ABHD6: variants seen among roughly 807,000 people sequenced by gnomAD.
ABHD6 encodes the protein monoacylglycerol lipase ABHD6.
Under a neutral mutation model 38.8 loss-of-function variants are expected in ABHD6, and 33 were observed. That is an observed-to-expected ratio of 0.85 (90% CI 0.64 to 1.14). The LOEUF (loss-of-function observed/expected upper bound fraction) is 1.14. Ranked by LOEUF, ABHD6 falls within the 50% of genes most tolerant of loss-of-function variation. The pLI is 0.00. For missense variants in ABHD6, 380 were observed against 422.6 expected (o/e 0.90, Z 0.88); for synonymous variants, 147 against 161.6 (o/e 0.91, Z 0.69).
chr3:58,244,667 G>A (rs996789556), intron 1 of ABHD6, among the ~76,000 whole-genome samples: 2 of 152,002 alleles, frequency 1.3e-5, no homozygotes, highest in Non-Finnish European at 1.5e-5. Context: ...AGGAGGCTGA[G>A]GTGGAAGGAT....
In ABHD6 at chr3:58,285,032, C is replaced by T. The variant is rs1018015313; in HGVS notation, c.682-53C>T. 5.9e-6 allele frequency: 9 copies of T among 1,533,954 alleles called. No homozygotes were observed. The highest frequency in any genetic ancestry group is 8.1e-6 in the Non-Finnish European group (9 of 1,106,894). On this transcript the variant is annotated intron_variant, in intron 7 of 9. Coordinates refer to ENST00000478253, the MANE Select transcript of ABHD6 (RefSeq NM_001320126.2). This position sits in a 1 kb window ranked among gnomAD's most constrained non-coding sequence, Gnocchi z 4.9. ...TTCATTGTCCCAGAGCTGTGAGAGGCCTGAGGAAATGAATCTTCTCTTGCT... is the reference window on the plus strand; with the variant it reads ...TTCATTGTCCCAGAGCTGTGAGAGGTCTGAGGAAATGAATCTTCTCTTGCT...
At position 58,292,791 on chromosome 3, in the gene ABHD6, C is replaced by T. The variant is rs3773011; in HGVS notation, c.838-798C>T. ...AATTAGCTGGGCATGGTGGCGGGCACCTATAATCCCAGCTACTGGGGAGGC... is the reference window on the plus strand; with the variant it reads ...AATTAGCTGGGCATGGTGGCGGGCATCTATAATCCCAGCTACTGGGGAGGC... On this transcript the variant is annotated intron_variant, in intron 9 of 9. Transcript: ENST00000478253. Among the ~76,000 whole-genome samples, 197 of 152,230 alleles carry T rather than the reference C, an allele frequency of 1.3e-3. 2 individuals are homozygous for T. Among genetic ancestry groups the T allele is most frequent in the East Asian group, 8.9e-3 (46 of 5,178 alleles).
chr3:58,244,072 T>C (rs1000401319), intron 1 of ABHD6, among the ~76,000 whole-genome samples: 1 of 152,184 alleles, frequency 6.6e-6, no homozygotes, highest in Non-Finnish European at 1.5e-5. Context: ...TCAGCCAGGC[T>C]CCAGGAGCAT....
rs1469681034 is a variant in ABHD6 at position 58,285,404 on chromosome 3, T to C, written c.788T>C (p.Met263Thr). 8.7e-6 allele frequency: 14 copies of C among 1,614,028 alleles called. No homozygotes were observed. The highest frequency in any genetic ancestry group is 1.6e-4 in the Middle Eastern group (1 of 6,084). Reference sequence around the variant, plus strand: ...TCCAGATACTCTCTCCATCAGAACATGGACAAGATCAAGGTTCCGACGCAG... The same window carrying C: ...TCCAGATACTCTCTCCATCAGAACACGGACAAGATCAAGGTTCCGACGCAG... ...EKSRYSLHQN[M>T]DKIKVPTQII... is the part of the protein sequence containing the mutation. Residue 263 changes from methionine (M) to threonine (T), a missense_variant, in exon 9 of 10, where the codon ATG becomes ACG. Met to Thr is a moderately conservative substitution (Grantham distance 81). Coordinates refer to ENST00000478253, the MANE Select transcript of ABHD6 (RefSeq NM_001320126.2). This position sits in a 1 kb window ranked among gnomAD's most constrained non-coding sequence, Gnocchi z 4.9.
chr3:58,250,607 G>A (rs2097429263), intron 2 of ABHD6, among the ~76,000 whole-genome samples: 1 of 152,100 alleles, frequency 6.6e-6, no homozygotes, highest in South Asian at 2.1e-4. Context: ...TGGTGGCTGA[G>A]GGGAGCTGCG....
At position 58,285,659 on chromosome 3, in the gene ABHD6, A is replaced by G. The variant is rs1424007678; in HGVS notation, c.837+206A>G. Among the ~76,000 whole-genome samples, 3 of 152,198 alleles carry G rather than the reference A, an allele frequency of 2.0e-5. No individual in the cohort carries two copies. Among genetic ancestry groups the G allele is most frequent in the Non-Finnish European group, 4.4e-5 (3 of 68,026 alleles). On this transcript the variant is annotated intron_variant, in intron 9 of 9. Coordinates refer to ENST00000478253, the MANE Select transcript of ABHD6 (RefSeq NM_001320126.2). This position sits in a 1 kb window ranked among gnomAD's most constrained non-coding sequence, Gnocchi z 4.9. ...AAACAACATTTGGTCTGGTAAAAGGAAAGACAATTTTAAATCATTTTCAAA... is the reference window on the plus strand; with the variant it reads ...AAACAACATTTGGTCTGGTAAAAGGGAAGACAATTTTAAATCATTTTCAAA...
At chr3:58,254,128 G>A (rs768458315) in intron 2 of ABHD6, among the ~76,000 whole-genome samples, 64 of 152,338 alleles carry the variant, frequency 4.2e-4, no homozygotes, top group Non-Finnish European at 6.9e-4. Flanking sequence ...AAAGGTAGTA[G>A]ATTGGAGTTA....
chr3:58,272,897 C>T (rs1201176035), intron 6 of ABHD6, among the ~76,000 whole-genome samples: 1 of 152,062 alleles, frequency 6.6e-6, no homozygotes, highest in East Asian at 1.9e-4. Flanking sequence ...CCCCATATAA[C>T]CTATACTCAG....
At chr3:58,278,328 G>A (rs1462096260) in intron 7 of ABHD6, among the ~76,000 whole-genome samples, 1 of 152,142 alleles carries the variant, frequency 6.6e-6, no homozygotes, top group Non-Finnish European at 1.5e-5. Flanking sequence ...GTTTAGTCTT[G>A]GGAGGGTGTA....
intron 6 of ABHD6, among the ~76,000 whole-genome samples, chr3:58,271,953 G>A (rs1203293193): frequency 6.6e-6 from 1 of 151,590 alleles, no homozygotes; most frequent in Non-Finnish European, 1.5e-5. Flanking sequence ...TTCAGTAGAG[G>A]TGGAGTTTCG....
At chr3:58,289,556 G>T (rs1354926265) in intron 9 of ABHD6, among the ~76,000 whole-genome samples, 1 of 151,944 alleles carries the variant, frequency 6.6e-6, no homozygotes, top group African/African-American at 2.4e-5. Context: ...TGCGGGGTAA[G>T]GTCACAGATC....
rs938764249 is a variant in ABHD6 at position 58,291,037 on chromosome 3, G to A, written c.838-2552G>A. ...GGAGGCCAAGGCAGGCGGCTGGGAGGTGGAGGTTGTAGCGAGCCGAGATCA... is the reference window on the plus strand; with the variant it reads ...GGAGGCCAAGGCAGGCGGCTGGGAGATGGAGGTTGTAGCGAGCCGAGATCA... On this transcript the variant is annotated intron_variant, in intron 9 of 9. Transcript: ENST00000478253. Among the ~76,000 whole-genome samples, 38 of 151,196 alleles carry A rather than the reference G, an allele frequency of 2.5e-4. 1 individual carries two copies. In the South Asian group the frequency reaches 2.5e-3, roughly 10 times the overall value.
rs2097442911 is a variant in ABHD6 at position 58,269,039 on chromosome 3, G to A, written c.277-282G>A. 6.6e-6 allele frequency among the ~76,000 whole-genome samples: 1 copy of A among 152,164 alleles called. No homozygotes were observed. The highest frequency in any genetic ancestry group is 2.4e-5 in the African/African-American group (1 of 41,444). On this transcript the variant is annotated intron_variant, in intron 4 of 9. Coordinates refer to ENST00000478253, the MANE Select transcript of ABHD6 (RefSeq NM_001320126.2). The surrounding 1 kb of genome is among the most constrained non-coding windows in gnomAD (Gnocchi z 4.4). ...GGCAGTACATGTCAACTAGTGTGAAGAAAAAGCAAGAGACTTAAGCCTGCT... is the reference window on the plus strand; with the variant it reads ...GGCAGTACATGTCAACTAGTGTGAAAAAAAAGCAAGAGACTTAAGCCTGCT...
At chr3:58,268,119 G>C (rs2097442419) in intron 4 of ABHD6, among the ~76,000 whole-genome samples, 1 of 152,054 alleles carries the variant, frequency 6.6e-6, no homozygotes, top group South Asian at 2.1e-4. Flanking sequence ...TCATTCTTTT[G>C]TCAGAAAAAA....
At position 58,267,125 on chromosome 3, in the gene ABHD6, A is replaced by C; in HGVS notation, c.120-64A>C. ...AGACTTATAGAGAGGACCTGTGCCC[A>C]TCTTGAAGCCACTCATCTAGAGCTT... is the stretch of plus-strand genomic sequence containing the variant. On this transcript the variant is annotated intron_variant, in intron 3 of 9. Coordinates refer to ENST00000478253, the MANE Select transcript of ABHD6 (RefSeq NM_001320126.2). The surrounding 1 kb of genome is among the most constrained non-coding windows in gnomAD (Gnocchi z 4.3). 2 of 1,561,270 alleles carry C rather than the reference A, an allele frequency of 1.3e-6. No individual in the cohort carries two copies. The highest frequency in any genetic ancestry group is 1.2e-5 in the South Asian group (1 of 86,270).
chr3:58,291,126 C>G (rs1006492312), intron 9 of ABHD6, among the ~76,000 whole-genome samples: 5 of 151,156 alleles, frequency 3.3e-5, no homozygotes, highest in African/African-American at 1.2e-4. Context: ...TCTGCAATCC[C>G]GGCACCTCCG....
At position 58,293,868 on chromosome 3, in the gene ABHD6, C is replaced by T. The variant is rs1006642737; in HGVS notation, c.*103C>T. 28 of 1,349,488 alleles carry T rather than the reference C, an allele frequency of 2.1e-5. 1 individual carries two copies. The highest frequency in any genetic ancestry group is 1.4e-4 in the South Asian group (10 of 70,362). 83.6% of individuals were successfully genotyped at this position (1,349,488 alleles called of 1,614,324 possible). ...GATCCTGCCCCAAATGCGGTCGGAG[C>T]GCCAGTGACCCTGAGGAAGCCCGTC... is the stretch of plus-strand genomic sequence containing the variant. On this transcript the variant is annotated 3_prime_UTR_variant, in exon 10 of 10. Transcript: ENST00000478253. The surrounding 1 kb of genome is among the most constrained non-coding windows in gnomAD (Gnocchi z 4.4).
intron 4 of ABHD6, among the ~76,000 whole-genome samples, chr3:58,268,557 A>G (rs1036973287): frequency 3.3e-5 from 5 of 152,142 alleles, no homozygotes; most frequent in African/African-American, 1.2e-4. Flanking sequence ...ACATCAGGCA[A>G]CACCATACCT....
chr3:58,250,072 G>A (rs1333989249), intron 2 of ABHD6, 130 bp downstream of exon 2: 2 of 152,188 alleles, frequency 1.3e-5, no homozygotes, highest in Non-Finnish European at 2.9e-5. Context: ...TTTCTGATCA[G>A]TAGGTCTAGT....
Sources: gnomAD v4.1 joint callset for allele counts (sites outside exome capture counted in the v4.1 genomes callset) on GRCh38, gnomAD v4.1.1 for gene constraint, Gnocchi (gnomAD v3.1) non-coding constraint, MANE v1.5 for transcripts, NCBI Gene and HGNC (gene_info 2026-07-23, HGNC 2026-07-21) for gene names.